The following CD47 variants were observed in gnomAD, a reference collection of about 807,000 sequenced individuals.
The protein encoded by CD47 is leukocyte surface antigen CD47.
A neutral mutation model predicts 44.6 loss-of-function variants in CD47; 11 were observed. The observed-to-expected ratio is 0.25, with a 90% CI of 0.16 to 0.41. CD47 has a LOEUF of 0.41. CD47 is among the 10% of genes least tolerant of loss of function. CD47 has a pLI of 1.00. For synonymous variants in CD47, 140 were observed against 136.3 expected, an observed-to-expected ratio of 1.03 and a Z score of -0.19; for missense variants, 306 against 386.7, an observed-to-expected ratio of 0.79 and a Z score of 1.75.
intron 7 of CD47, chr3:108,054,816 T>G (rs2078886137): frequency 6.6e-6 from 1 of 152,224 alleles, no homozygotes; most frequent in Non-Finnish European, 1.5e-5. Flanking sequence ...TCTGGGATGT[T>G]GTGGTAAATA....
intron 2 of CD47, among the ~76,000 whole-genome samples, chr3:108,079,567 T>TAAAAAAAA (rs71629342): frequency 2.3e-4 from 12 of 53,118 alleles, no homozygotes; most frequent in South Asian, 7.5e-4. Flanking sequence ...AGTGTAAGGT[T>TAAAAAAAA]AAAAAAAAAA....
In CD47 at chr3:108,045,626, A is replaced by G. The variant is rs993688414; in HGVS notation, c.*1662T>C. ...TTTCTGAGAGGCCTCAGCAGGTCAT[A>G]AATTTAGGTTTGCCATGGGCAAACT... On this transcript the variant is annotated 3_prime_UTR_variant, in exon 11 of 11. Transcript: ENST00000361309. The G allele has an allele frequency of 3.3e-5, 5 of 152,454 alleles. No homozygotes were observed. The highest frequency in any genetic ancestry group is 4.8e-5 in the African/African-American group (2 of 41,376). 9.4% of individuals were successfully genotyped at this position (152,454 alleles called of 1,614,324 possible).
At chr3:108,055,967 G>A (rs1211100707) in intron 7 of CD47, among the ~76,000 whole-genome samples, 1 of 152,144 alleles carries the variant, frequency 6.6e-6, no homozygotes, top group Non-Finnish European at 1.5e-5. Flanking sequence ...GGAGTAAAAG[G>A]GAGGACAACC....
intron 7 of CD47, 22 bp downstream of exon 7, chr3:108,057,455 A>T: frequency 9.4e-7 from 1 of 1,069,150 alleles, no homozygotes; most frequent in Non-Finnish European, 1.5e-6. Flanking sequence ...GGCATAGGTT[A>T]ATGAAAATAA....
chr3:108,059,752 T>C (rs537742086), intron 4 of CD47, among the ~76,000 whole-genome samples: 3 of 152,336 alleles, frequency 2.0e-5, no homozygotes, highest in African/African-American at 7.2e-5. Flanking sequence ...AAACCTTGAA[T>C]TGGCTCTGCC....
intron 7 of CD47, chr3:108,052,430 G>C (rs1350139374): frequency 1.9e-5 from 3 of 157,170 alleles, no homozygotes; most frequent in African/African-American, 7.2e-5. Context: ...ATCACTCCCT[G>C]GGTCTTTCCA....
At chr3:108,080,370 CA>C (rs2079393893) in intron 1 of CD47, 26 bp from the exon 2 acceptor site, 2 of 1,241,756 alleles carry the variant, frequency 1.6e-6, no homozygotes, top group Non-Finnish European at 2.3e-6. Context: ...AAAAATGTTT[CA>C]TTAATTATAG....
chr3:108,086,862 AAG>A, intron 1 of CD47, among the ~76,000 whole-genome samples: 1 of 152,300 alleles, frequency 6.6e-6, no homozygotes, highest in Non-Finnish European at 1.5e-5. Context: ...GCAGGTCTCC[AAG>A]ATGGTAGAAG....
chr3:108,061,537 A>G (rs1345461640), intron 3 of CD47, among the ~76,000 whole-genome samples: 3 of 152,216 alleles, frequency 2.0e-5, no homozygotes, highest in African/African-American at 4.8e-5. Flanking sequence ...TATTTTAATA[A>G]AAATAAACTG....
At position 108,091,002 on chromosome 3, in the gene CD47, G is replaced by C. The variant is rs1286518767; in HGVS notation, c.-94C>G. 1.1e-6 allele frequency: 1 copy of C among 875,486 alleles called. No homozygotes were observed. Among genetic ancestry groups the C allele is most frequent in the East Asian group, 3.6e-5 (1 of 28,072 alleles). 54.2% of individuals were successfully genotyped at this position (875,486 alleles called of 1,614,324 possible). On this transcript the variant is annotated 5_prime_UTR_variant, in exon 1 of 11. Transcript: ENST00000361309. ...CAGGCAGGACCGACCGCCGCCGCGCGTCACAGGCAGGACCCACTGCCCAGG... is the reference window on the plus strand; with the variant it reads ...CAGGCAGGACCGACCGCCGCCGCGCCTCACAGGCAGGACCCACTGCCCAGG...
rs1298097412 is a variant in CD47 at position 108,090,953 on chromosome 3, G to GAGC, written c.-48_-46dup. On this transcript the variant is annotated 5_prime_UTR_variant, in exon 1 of 11. Coordinates refer to ENST00000361309, the MANE Select transcript of CD47 (RefSeq NM_001777.4). ...TCGCCGCCGCCGCCGCAGGTGTCCG[G>GAGC]AGCAGCAGCCGCCGCCGCCGTTACA... The GAGC allele has an allele frequency of 1.5e-6, 2 of 1,371,294 alleles. No homozygotes were observed. Among genetic ancestry groups the GAGC allele is most frequent in the South Asian group, 2.8e-5 (2 of 71,598 alleles). 84.9% of individuals were successfully genotyped at this position (1,371,294 alleles called of 1,614,324 possible).
rs755738494 is a variant in CD47 at position 108,058,375 on chromosome 3, T to A, written c.746A>T (p.Tyr249Phe). 1.9e-6 allele frequency: 3 copies of A among 1,566,998 alleles called. No homozygotes were observed. The highest frequency in any genetic ancestry group is 2.6e-6 in the Non-Finnish European group (3 of 1,154,074). The change falls in exon 6 of 11, where the codon TAT (tyrosine) becomes TTT (phenylalanine). Residue 249 changes from tyrosine to phenylalanine, a missense_variant. Around this residue, in one of 5 missense-constraint regions of CD47, gnomAD observed 131 missense variants for 135.3 expected, o/e 0.97. Coordinates refer to ENST00000361309, the MANE Select transcript of CD47 (RefSeq NM_001777.4). ...IAILVIQVIA[Y>F]ILAVVGLSLC... is the part of the protein sequence containing the mutation. The stretch of plus-strand genomic sequence containing the variant: ...ACTCAGTCCAACCACAGCGAGGATA[T>A]AGGCTATCACCTGAATAACCAATAT...
At chr3:108,055,483 A>G (rs1467533029) in intron 7 of CD47, 2 of 1,141,024 alleles carry the variant, frequency 1.8e-6, no homozygotes, top group Non-Finnish European at 2.4e-6. Flanking sequence ...TGTTCCTCCT[A>G]GTCTACCATG....
At chr3:108,072,023 C>A (rs1226064838) in intron 2 of CD47, among the ~76,000 whole-genome samples, 5 of 152,208 alleles carry the variant, frequency 3.3e-5, no homozygotes, top group African/African-American at 1.2e-4. Flanking sequence ...AATATATCCA[C>A]ATATCCTATA....
rs1454351698 is a variant in CD47, at chr3:108,072,284, C to A, written c.401-1102G>T. Among the ~76,000 whole-genome samples, 3 of 152,180 alleles carry A rather than the reference C, an allele frequency of 2.0e-5. No individual in the cohort carries two copies. In the East Asian group the frequency reaches 5.8e-4, roughly 29 times the overall value. On this transcript the variant is annotated intron_variant, in intron 2 of 10. Coordinates refer to ENST00000361309, the MANE Select transcript of CD47 (RefSeq NM_001777.4). ...ATTCCTCTGAAATCAACACTTCTTTCAAATTCTACCACGCACTATCTCTCA... is the reference window on the plus strand; with the variant it reads ...ATTCCTCTGAAATCAACACTTCTTTAAAATTCTACCACGCACTATCTCTCA...
At chr3:108,087,487 T>A (rs1244187897) in intron 1 of CD47, among the ~76,000 whole-genome samples, 6 of 152,094 alleles carry the variant, frequency 3.9e-5, no homozygotes, top group Admixed American at 3.3e-4. Flanking sequence ...AAACAAGATA[T>A]CCCTACTGTC....
rs2078974241 is a variant in CD47, at chr3:108,059,459, A to G, written c.684T>C (p.Phe228=). The change falls in exon 5 of 11, where the codon TTT becomes TTC. Residue 228 remains phenylalanine, a synonymous_variant. Transcript: ENST00000361309. The part of the protein sequence containing the change: ...GILILLHYYV[F]STAIGLTSFV... ...GTAACAATGAAAACTCACCTGTACT[A>G]AACACATAGTAGTGAAGTAATATTA... 1 of 1,463,060 alleles carries G rather than the reference A, an allele frequency of 6.8e-7. No homozygotes were observed. The highest frequency in any genetic ancestry group is 9.2e-7 in the Non-Finnish European group (1 of 1,081,244). 90.6% of individuals were successfully genotyped at this position (1,463,060 alleles called of 1,614,324 possible). A position where few individuals can be genotyped will look rare whatever the true frequency, so the allele number is the denominator to read the frequency against.
chr3:108,082,044 C>T (rs74332691), intron 1 of CD47, among the ~76,000 whole-genome samples: 418 of 151,958 alleles, frequency 2.8e-3, no homozygotes, highest in African/African-American at 9.6e-3. Context: ...GAGAGAAACA[C>T]TGAGGGAGAG....
intron 3 of CD47, among the ~76,000 whole-genome samples, chr3:108,068,017 C>G (rs2079133645): frequency 6.6e-6 from 1 of 152,110 alleles, no homozygotes; most frequent in African/African-American, 2.4e-5. Context: ...CTGGAAAAAC[C>G]ACTGAGAGAA....
Sources: gnomAD v4.1 joint callset for allele counts (sites outside exome capture counted in the v4.1 genomes callset) on GRCh38, gnomAD v4.1.1 for gene constraint, gnomAD v4.1.1 regional missense constraint, MANE v1.5 for transcripts, NCBI Gene and HGNC (gene_info 2026-07-23, HGNC 2026-07-21) for gene names.